ZNF699: variants seen among roughly 807,000 people sequenced by gnomAD.
ZNF699 encodes zinc finger protein 699, also known as hangover homolog.
A neutral mutation model predicts 22.5 loss-of-function variants in ZNF699; 18 were observed. That is an observed-to-expected ratio of 0.80 (90% CI 0.55 to 1.19). The LOEUF is 1.19. ZNF699 is among the 50% of genes most tolerant of loss of function. The pLI, the probability that ZNF699 is intolerant of heterozygous loss-of-function variation, is 0.00. For missense variants in ZNF699, 670 were observed against 763.4 expected, an observed-to-expected ratio of 0.88 and a Z score of 1.44; for synonymous variants, 241 against 262.3, an observed-to-expected ratio of 0.92 and a Z score of 0.78.
chr19:9,308,605 G>C, intron 1 of ZNF699, among the ~76,000 whole-genome samples: 1 of 152,060 alleles, frequency 6.6e-6, no homozygotes, highest in South Asian at 2.1e-4. Flanking sequence ...CCGGGCAACA[G>C]AGCGAGACTC....
At chr19:9,309,094 C>G (rs921973374) in intron 1 of ZNF699, among the ~76,000 whole-genome samples, 1 of 151,836 alleles carries the variant, frequency 6.6e-6, no homozygotes, top group African/African-American at 2.4e-5. Flanking sequence ...CAACCTCTGC[C>G]TCCCGAGTAG....
chr19:9,302,158 T>TCC (rs2066309940), intron 3 of ZNF699, among the ~76,000 whole-genome samples: 1 of 152,100 alleles, frequency 6.6e-6, no homozygotes, highest in Non-Finnish European at 1.5e-5. Flanking sequence ...CGCCTTAGCC[T>TCC]CCCAAAATGC....
intron 1 of ZNF699, among the ~76,000 whole-genome samples, chr19:9,308,637 GAATA>G (rs1286594265): frequency 1.3e-5 from 2 of 152,068 alleles, no homozygotes; most frequent in East Asian, 3.9e-4. Flanking sequence ...AAAGAAATAG[GAATA>G]AAGAAAGGAA....
At chr19:9,301,462 ACCCAGCCTCCAGAAATGC>A in intron 3 of ZNF699, among the ~76,000 whole-genome samples, 1 of 152,300 alleles carries the variant, frequency 6.6e-6, no homozygotes, top group Admixed American at 6.5e-5. Context: ...GATTTCAGAT[ACCCAGCCTCCAGAAATGC>A]TGTGAAGGAA....
intron 1 of ZNF699, among the ~76,000 whole-genome samples, chr19:9,306,176 G>C (rs1013737958): frequency 1.3e-5 from 2 of 151,862 alleles, no homozygotes; most frequent in Non-Finnish European, 2.9e-5. Context: ...GATGGATCAC[G>C]AGGTCAGGAG....
At chr19:9,303,556 C>A (rs1395404168) in intron 2 of ZNF699, among the ~76,000 whole-genome samples, 2 of 152,190 alleles carry the variant, frequency 1.3e-5, no homozygotes, top group African/African-American at 4.8e-5. Context: ...CCTCCGGGAA[C>A]CACCACACGT....
intron 3 of ZNF699, among the ~76,000 whole-genome samples, chr19:9,298,934 C>A (rs963119642): frequency 6.6e-6 from 1 of 152,164 alleles, no homozygotes; most frequent in Non-Finnish European, 1.5e-5. Flanking sequence ...TGGAGAAAAG[C>A]TAAGTCTTTC....
At position 9,297,083 on chromosome 19, in the gene ZNF699, G is replaced by A. The variant is rs1028012063; in HGVS notation, c.471-150C>T. The A allele has an allele frequency of 2.6e-5, 22 of 834,996 alleles. No individual in the cohort carries two copies. The African/African-American group carries it at 2.8e-4, about 11-fold the overall frequency. The allele number at this position is 834,996 out of a possible 1,614,324, so 51.7% of individuals were successfully genotyped here. ...TACTGTCACTGAGTTATTGACTCAC[G>A]GGATTTTTCTGATAATTGTTTACAA... On this transcript the variant is annotated intron_variant, in intron 5 of 5. Coordinates refer to ENST00000591998, the MANE Select transcript of ZNF699 (RefSeq NM_198535.3). This position sits in a 1 kb window ranked among gnomAD's most constrained non-coding sequence, Gnocchi z 4.3.
intron 3 of ZNF699, among the ~76,000 whole-genome samples, chr19:9,302,085 A>G (rs2066309629): frequency 6.6e-6 from 1 of 151,990 alleles, no homozygotes; most frequent in Admixed American, 6.6e-5. Flanking sequence ...TGTTTTTAGT[A>G]GAGACGGGGT....
Position 9,293,189 on chromosome 19 carries a change from A to C in ZNF699, c.*2286T>G, listed in dbSNP as rs1196645865. The stretch of plus-strand genomic sequence containing the variant: ...TGAAATGTTTCAACAGGTGCCCTCA[A>C]AAAAAAAAAAAATCCAAATAGCCAA... On this transcript the variant is annotated 3_prime_UTR_variant, in exon 6 of 6. Coordinates refer to ENST00000591998, the MANE Select transcript of ZNF699 (RefSeq NM_198535.3). 7.9e-6 allele frequency among the ~76,000 whole-genome samples: 1 copy of C among 127,144 alleles called. No individual in the cohort carries two copies. Among genetic ancestry groups the C allele is most frequent in the African/African-American group, 4.2e-5 (1 of 24,036 alleles). 83.4% of individuals were successfully genotyped at this position (127,144 alleles called of 152,430 possible).
intron 3 of ZNF699, among the ~76,000 whole-genome samples, chr19:9,300,119 C>T (rs998497387): frequency 5.9e-5 from 9 of 152,180 alleles, no homozygotes; most frequent in Non-Finnish European, 1.0e-4. Flanking sequence ...CTCGCTCTGT[C>T]GCCCAGGCTG....
In ZNF699 at chr19:9,297,876, T is replaced by C; in HGVS notation, c.286+4A>G. The C allele has an allele frequency of 6.2e-7, 1 of 1,608,804 alleles. No homozygotes were observed. Among genetic ancestry groups the C allele is most frequent in the Non-Finnish European group, 8.5e-7 (1 of 1,175,496 alleles). On this transcript the variant is annotated splice_donor_region_variant and intron_variant, in intron 4 of 5. Coordinates refer to ENST00000591998, the MANE Select transcript of ZNF699 (RefSeq NM_198535.3). This position sits in a 1 kb window ranked among gnomAD's most constrained non-coding sequence, Gnocchi z 4.3. The stretch of plus-strand genomic sequence containing the variant: ...CCAAAACAGTTTCTCCCAAGGGTTC[T>C]TGCCTTCCCGGTGCTCTCCCATAAA...
chr19:9,296,371 T>G lies in ZNF699; in HGVS notation c.1033A>C (p.Ser345Arg). The change falls in exon 6 of 6, where the codon AGC becomes CGC. Residue 345 changes from serine (S) to arginine (R), a missense_variant. Ser to Arg is a moderately radical substitution (Grantham distance 110). Coordinates refer to ENST00000591998, the MANE Select transcript of ZNF699 (RefSeq NM_198535.3). ...YECKECGKAFSSSSHLIIHIR... is the reference protein window; with the variant it reads ...YECKECGKAFRSSSHLIIHIR... ...TGTATTATAAGGTGAGAGGAAGAGC[T>G]AAAGGCCTTCCCACATTCCTTACAT... 1 of 1,614,010 alleles carries G rather than the reference T, an allele frequency of 6.2e-7. No individual in the cohort carries two copies. The highest frequency in any genetic ancestry group is 8.5e-7 in the Non-Finnish European group (1 of 1,179,968).
intron 1 of ZNF699, among the ~76,000 whole-genome samples, chr19:9,308,361 A>C (rs900610239): frequency 2.6e-5 from 4 of 152,214 alleles, no homozygotes; most frequent in African/African-American, 9.6e-5. Context: ...ATAATTACAG[A>C]TATCATAAGG....
chr19:9,303,000 C>A (rs2066313539), intron 2 of ZNF699, among the ~76,000 whole-genome samples: 1 of 150,246 alleles, frequency 6.7e-6, no homozygotes. Context: ...TGCACTCTAG[C>A]CTGGACAAAA....
chr19:9,308,124 A>G (rs2066334203), intron 1 of ZNF699, among the ~76,000 whole-genome samples: 1 of 152,094 alleles, frequency 6.6e-6, no homozygotes, highest in Admixed American at 6.6e-5. Context: ...TGAAACTGAC[A>G]AACTCAGCTT....
intron 2 of ZNF699, 67 bp downstream of exon 2, chr19:9,305,005 C>T: frequency 7.3e-7 from 1 of 1,377,042 alleles, no homozygotes; most frequent in East Asian, 2.3e-5. Flanking sequence ...GGCTTGTGCC[C>T]TAAAACACTG....
In ZNF699 at chr19:9,292,184, C is replaced by T. The variant is rs1384107892; in HGVS notation, c.*3291G>A. 1.3e-5 allele frequency among the ~76,000 whole-genome samples: 2 copies of T among 152,130 alleles called. No individual in the cohort carries two copies. Among genetic ancestry groups the T allele is most frequent in the Non-Finnish European group, 2.9e-5 (2 of 68,024 alleles). On this transcript the variant is annotated 3_prime_UTR_variant, in exon 6 of 6. Transcript: ENST00000591998. The stretch of plus-strand genomic sequence containing the variant: ...TTAGATCCTACCTGCCCACTCCTTC[C>T]TCCTCCCCTCTGCATATGCCCCAAA...
chr19:9,296,084 A>C lies in ZNF699; in HGVS notation c.1320T>G (p.Asn440Lys). 1 of 1,613,170 alleles carries C rather than the reference A, an allele frequency of 6.2e-7. No individual in the cohort carries two copies. The highest frequency in any genetic ancestry group is 8.5e-7 in the Non-Finnish European group (1 of 1,179,812). Reference sequence around the variant, plus strand: ...ATTCATAGGGTTTCTCTCGACTTTGATTTTTCACATGTGTATTAAGGGAAG... The same window carrying C: ...ATTCATAGGGTTTCTCTCGACTTTGCTTTTTCACATGTGTATTAAGGGAAG... Reference protein sequence around the residue: ...LPTSLNTHVKNQSREKPYECK... With the variant: ...LPTSLNTHVKKQSREKPYECK... Residue 440 changes from asparagine to lysine, a missense_variant, in exon 6 of 6, where the codon AAT becomes AAG. By Grantham distance (94) the Asn-to-Lys change is moderately conservative (BLOSUM62 0). Coordinates refer to ENST00000591998, the MANE Select transcript of ZNF699 (RefSeq NM_198535.3).
Sources: gnomAD v4.1 joint callset for allele counts (sites outside exome capture counted in the v4.1 genomes callset) on GRCh38, gnomAD v4.1.1 for gene constraint, Gnocchi (gnomAD v3.1) non-coding constraint, MANE v1.5 for transcripts, NCBI Gene and HGNC (gene_info 2026-07-23, HGNC 2026-07-21) for gene names.